Variants in PALLD observed in about 807,000 individuals in gnomAD.
PALLD encodes palladin.
Under a neutral mutation model 123.5 loss-of-function variants are expected in PALLD, and 61 were observed. The ratio of observed to expected loss-of-function variants is 0.49; its 90% CI spans 0.40 to 0.61. PALLD has a LOEUF of 0.61. Among genes scored for constraint, PALLD ranks in the 20% least tolerant of loss-of-function variants. The pLI, the probability that PALLD is intolerant of heterozygous loss-of-function variation, is 0.00. For missense variants in PALLD, 1,273 were observed against 1,377.0 expected, an observed-to-expected ratio of 0.92 and a Z score of 1.20; for synonymous variants, 465 against 496.4, an observed-to-expected ratio of 0.94 and a Z score of 0.84.
chr4:168,783,930 C>T (rs1006108618), intron 10 of PALLD, among the ~76,000 whole-genome samples: 2 of 152,096 alleles, frequency 1.3e-5, no homozygotes, highest in Non-Finnish European at 2.9e-5. Flanking sequence ...AATGAGTGAT[C>T]AGTAAGTGAG....
Position 168,914,011 on chromosome 4 carries a change from C to T in PALLD, c.2707C>T (p.His903Tyr). The stretch of plus-strand genomic sequence containing the variant: ...TCCCCGGTCTCCCTCAGGCCATCCT[C>T]ATGTCAGAAGGTATTTAACATGTTC... ...RSPRSPSGHP[H>Y]VRRPRSRSRD... Residue 903 changes from histidine (H) to tyrosine (Y), a missense_variant, in exon 16 of 22, where the codon CAT becomes TAT. Physicochemically the swap from His to Tyr is moderately conservative, Grantham distance 83 (BLOSUM62 2). This residue lies in a region of PALLD where 329 missense variants were observed against 422.5 expected (regional missense o/e 0.78). Coordinates refer to ENST00000505667, the MANE Select transcript of PALLD (RefSeq NM_001166108.2). The T allele has an allele frequency of 5.6e-6, 9 of 1,596,014 alleles. 1 individual carries two copies. Among genetic ancestry groups the T allele is most frequent in the South Asian group, 1.1e-5 (1 of 90,680 alleles).
In PALLD at chr4:168,527,378, C is replaced by T. The variant is rs562913348; in HGVS notation, c.908+14966C>T. On this transcript the variant is annotated intron_variant, in intron 2 of 21. Coordinates refer to ENST00000505667, the MANE Select transcript of PALLD (RefSeq NM_001166108.2). ...CAGAGATTGTGGTGAGCTGAGATCGCGCCATTGCACTCCAGCCTGGGCAAC... is the reference window on the plus strand; with the variant it reads ...CAGAGATTGTGGTGAGCTGAGATCGTGCCATTGCACTCCAGCCTGGGCAAC... 1.8e-4 allele frequency among the ~76,000 whole-genome samples: 26 copies of T among 140,552 alleles called. No homozygotes were observed. In the South Asian group the frequency reaches 4.2e-3, roughly 23 times the overall value. 92.2% of individuals were successfully genotyped at this position (140,552 alleles called of 152,430 possible).
At chr4:168,827,664 A>G (rs1048573665) in intron 10 of PALLD, among the ~76,000 whole-genome samples, 2 of 152,254 alleles carry the variant, frequency 1.3e-5, no homozygotes, top group Non-Finnish European at 2.9e-5. Flanking sequence ...TTGCAAAGGT[A>G]GCAAGTACAA....
chr4:168,692,690 G>A, intron 8 of PALLD, among the ~76,000 whole-genome samples: 1 of 152,192 alleles, frequency 6.6e-6, no homozygotes, highest in African/African-American at 2.4e-5. Context: ...AGCAATTTAT[G>A]TCTTTTAATG....
intron 8 of PALLD, among the ~76,000 whole-genome samples, chr4:168,706,728 A>G (rs1019701532): frequency 2.9e-4 from 44 of 152,256 alleles, no homozygotes; most frequent in African/African-American, 9.9e-4. Flanking sequence ...AATGATGCCT[A>G]TAGGCCATAT....
intron 10 of PALLD, among the ~76,000 whole-genome samples, chr4:168,873,185 CATT>C (rs1386204451): frequency 6.6e-6 from 1 of 152,126 alleles, no homozygotes; most frequent in African/African-American, 2.4e-5. Context: ...AAATTTATAT[CATT>C]GTTGTCATTG....
At chr4:168,774,069 C>CT (rs5863958) in intron 10 of PALLD, among the ~76,000 whole-genome samples, 26,000 of 141,084 alleles carry the variant, frequency 0.18, 2,838 homozygotes, top group East Asian at 0.6. Context: ...TTTTCTCTCT[C>CT]TTTTTTTTTT....
intron 8 of PALLD, among the ~76,000 whole-genome samples, chr4:168,693,272 T>C: frequency 6.6e-6 from 1 of 152,226 alleles, no homozygotes; most frequent in Admixed American, 6.5e-5. Flanking sequence ...GTTTCACATC[T>C]ACCCTGCGCC....
intron 2 of PALLD, among the ~76,000 whole-genome samples, chr4:168,630,622 C>T (rs367905155): frequency 1.3e-5 from 2 of 152,186 alleles, no homozygotes; most frequent in African/African-American, 2.4e-5. Flanking sequence ...GATATGGTTT[C>T]TAATTCAAAA....
At chr4:168,721,593 C>T (rs1022521350) in intron 10 of PALLD, among the ~76,000 whole-genome samples, 8 of 152,030 alleles carry the variant, frequency 5.3e-5, no homozygotes, top group Non-Finnish European at 2.9e-5. Context: ...CCTGATTTTC[C>T]AACTTTTTGA....
intron 14 of PALLD, among the ~76,000 whole-genome samples, chr4:168,902,978 G>C (rs1756873270): frequency 6.6e-6 from 1 of 152,020 alleles, no homozygotes. Flanking sequence ...GCCCAGGCTG[G>C]TCTTGAATTC....
At chr4:168,607,130 A>C (rs1035231282) in intron 2 of PALLD, among the ~76,000 whole-genome samples, 1 of 152,194 alleles carries the variant, frequency 6.6e-6, no homozygotes, top group Non-Finnish European at 1.5e-5. Flanking sequence ...GGTGCTTGCA[A>C]GGAAGTTGAG....
intron 2 of PALLD, among the ~76,000 whole-genome samples, chr4:168,573,687 A>G (rs761474852): frequency 2.5e-4 from 38 of 152,108 alleles, no homozygotes; most frequent in Non-Finnish European, 4.9e-4. Flanking sequence ...GGGTTAGAAA[A>G]GGATCCCTGG....
intron 14 of PALLD, among the ~76,000 whole-genome samples, chr4:168,902,634 G>C (rs1311717062): frequency 6.6e-6 from 1 of 152,078 alleles, no homozygotes; most frequent in Non-Finnish European, 1.5e-5. Context: ...GGGCAACGGA[G>C]CGAGACCCTG....
intron 2 of PALLD, among the ~76,000 whole-genome samples, chr4:168,553,064 A>G (rs778761655): frequency 4.6e-5 from 7 of 152,124 alleles, no homozygotes; most frequent in Non-Finnish European, 1.0e-4. Context: ...CAACAACCCT[A>G]TAAGATAAAT....
chr4:168,629,035 A>G (rs1376060130), intron 2 of PALLD, among the ~76,000 whole-genome samples: 5 of 140,744 alleles, frequency 3.6e-5, no homozygotes, highest in African/African-American at 1.1e-4. Flanking sequence ...TTTTTTTTTG[A>G]GATGGAGTTT....
At chr4:168,813,446 A>ATTGATTGG (rs1435799139) in intron 10 of PALLD, among the ~76,000 whole-genome samples, 1 of 151,966 alleles carries the variant, frequency 6.6e-6, no homozygotes, top group African/African-American at 2.4e-5. Flanking sequence ...ACATTATCTG[A>ATTGATTGG]TTGATTGGTT....
chr4:168,601,729 T>C (rs73863992), intron 2 of PALLD, among the ~76,000 whole-genome samples: 5,035 of 152,194 alleles, frequency 0.033, 273 homozygotes, highest in African/African-American at 0.11. Context: ...ATCTCAGCAA[T>C]TGCACAGCTT....
At chr4:168,788,864 G>A (rs1462464213) in intron 10 of PALLD, among the ~76,000 whole-genome samples, 1 of 151,692 alleles carries the variant, frequency 6.6e-6, no homozygotes, top group Non-Finnish European at 1.5e-5. Flanking sequence ...TAAAATTAAT[G>A]GCAATAAATG....
Sources: allele counts gnomAD v4.1 joint callset (sites outside exome capture counted in the v4.1 genomes callset), GRCh38; gene constraint gnomAD v4.1.1; regional missense constraint gnomAD v4.1.1; transcripts MANE v1.5; gene names NCBI Gene and HGNC (gene_info 2026-07-23, HGNC 2026-07-21).